Variants in TRPC5 observed in about 807,000 individuals in gnomAD.
TRPC5 encodes transient receptor potential cation channel subfamily C member 5, also known as short transient receptor potential channel 5.
TRPC5 carries 9 observed loss-of-function variants against 56.5 expected under a neutral mutation model. The observed-to-expected ratio is 0.16, with a 90% CI of 0.10 to 0.28. The LOEUF is 0.28. Among genes scored for constraint, TRPC5 ranks in the 10% least tolerant of loss-of-function variants. The probability of loss-of-function intolerance (pLI) is 1.00; values close to 1 mark genes in which losing one functional copy is unlikely to be tolerated. For missense variants in TRPC5, 469 were observed against 748.9 expected (o/e 0.63, Z 4.36); for synonymous variants, 282 against 278.5 (o/e 1.01, Z -0.13).
intron 2 of TRPC5, among the ~76,000 whole-genome samples, chrX:111,929,884 T>C (rs1435630577): frequency 8.9e-6 from 1 of 112,100 alleles, no homozygotes; most frequent in East Asian, 2.8e-4. Flanking sequence ...TTGTTCATCA[T>C]ATCATAAATC....
intron 3 of TRPC5, among the ~76,000 whole-genome samples, chrX:111,888,633 G>A (rs1472829985): frequency 2.0e-5 from 2 of 98,691 alleles, no homozygotes; most frequent in Non-Finnish European, 4.1e-5. Flanking sequence ...GGTGGAGGTT[G>A]TGGTGAGCTG....
chrX:111,818,814 G>A, intron 7 of TRPC5, among the ~76,000 whole-genome samples: 1 of 109,788 alleles, frequency 9.1e-6, no homozygotes, highest in Non-Finnish European at 1.9e-5. Flanking sequence ...ATATTGGTCA[G>A]GCTGGTCTCG....
chrX:111,818,534 G>A (rs1436708990), intron 7 of TRPC5, among the ~76,000 whole-genome samples: 2 of 109,236 alleles, frequency 1.8e-5, no homozygotes, highest in Admixed American at 9.8e-5. Flanking sequence ...ATTAATTGAA[G>A]ACCCAAAGGC....
chrX:111,835,194 C>T, intron 6 of TRPC5, 78 bp from the exon 7 acceptor site: 2 of 905,750 alleles, frequency 2.2e-6, no homozygotes, highest in Non-Finnish European at 3.0e-6. Flanking sequence ...AGGTGATCTG[C>T]TTAACGAAGG....
At chrX:111,957,819 C>T (rs1238553723) in intron 1 of TRPC5, among the ~76,000 whole-genome samples, 2 of 111,811 alleles carry the variant, frequency 1.8e-5, no homozygotes, top group Non-Finnish European at 3.8e-5. Context: ...ACTCCAAGTC[C>T]AGAGGGGGAG....
intron 3 of TRPC5, among the ~76,000 whole-genome samples, chrX:111,877,730 G>C (rs979233683): frequency 3.6e-5 from 4 of 111,231 alleles, no homozygotes; most frequent in African/African-American, 1.3e-4. Context: ...ATAAATGAAT[G>C]AATAAAATAA....
At chrX:111,889,356 T>C (rs1233134992) in intron 3 of TRPC5, among the ~76,000 whole-genome samples, 2 of 112,334 alleles carry the variant, frequency 1.8e-5, no homozygotes, top group African/African-American at 6.5e-5. Flanking sequence ...ACCTTGGTAA[T>C]ATCAGTCATA....
At chrX:111,869,467 A>C (rs762342902) in intron 3 of TRPC5, among the ~76,000 whole-genome samples, 1 of 112,348 alleles carries the variant, frequency 8.9e-6, no homozygotes, top group African/African-American at 3.2e-5. Context: ...GCAGACTCAC[A>C]AAATCAGTCA....
At chrX:111,914,554 CT>C in intron 2 of TRPC5, among the ~76,000 whole-genome samples, 1 of 111,778 alleles carries the variant, frequency 8.9e-6, no homozygotes, top group Middle Eastern at 4.6e-3. Context: ...TGCAAGAAAC[CT>C]GTTTCCTTCA....
intron 2 of TRPC5, among the ~76,000 whole-genome samples, chrX:111,933,198 G>T (rs150569704): frequency 0.03 from 3,360 of 111,805 alleles, 132 homozygotes; most frequent in African/African-American, 0.1. Context: ...GTGTTTGGTG[G>T]GCTGGGATAC....
At chrX:112,013,951 C>T (rs1929056268) in intron 1 of TRPC5, among the ~76,000 whole-genome samples, 1 of 111,838 alleles carries the variant, frequency 8.9e-6, no homozygotes, top group African/African-American at 3.3e-5. Context: ...AAAAATGACT[C>T]CTCCCTTGAG....
intron 7 of TRPC5, among the ~76,000 whole-genome samples, chrX:111,834,115 G>A (rs770953413): frequency 2.7e-5 from 3 of 111,773 alleles, no homozygotes; most frequent in Non-Finnish European, 5.6e-5. Context: ...TATCTACTTT[G>A]ACATAAAAAA....
chrX:111,793,398 A>G (rs1282377239), intron 7 of TRPC5, among the ~76,000 whole-genome samples: 1 of 112,421 alleles, frequency 8.9e-6, no homozygotes, highest in African/African-American at 3.2e-5. Context: ...TCGTTTGAAT[A>G]GACATTTCTT....
At position 112,028,663 on chromosome X, in the gene TRPC5, T is replaced by A. The variant is rs748998900; in HGVS notation, c.-22+53216A>T. 8.9e-5 allele frequency among the ~76,000 whole-genome samples: 10 copies of A among 112,484 alleles called. No individual in the cohort carries two copies. In the South Asian group the frequency reaches 1.5e-3, roughly 17 times the overall value. ...GTGTATATGTGCCACATTTTCTTAATCCAGTCTAACATTGATGGACATTTG... is the reference window on the plus strand; with the variant it reads ...GTGTATATGTGCCACATTTTCTTAAACCAGTCTAACATTGATGGACATTTG... On this transcript the variant is annotated intron_variant, in intron 1 of 10. Coordinates refer to ENST00000262839, the MANE Select transcript of TRPC5 (RefSeq NM_012471.3).
chrX:112,063,637 G>C (rs1930509101), intron 1 of TRPC5, among the ~76,000 whole-genome samples: 1 of 111,999 alleles, frequency 8.9e-6, no homozygotes, highest in Middle Eastern at 4.2e-3. Flanking sequence ...TTTCCTCACA[G>C]GGGACTGGGT....
intron 1 of TRPC5, among the ~76,000 whole-genome samples, chrX:112,007,550 C>T (rs1480618207): frequency 1.8e-5 from 2 of 111,681 alleles, no homozygotes; most frequent in Non-Finnish European, 3.8e-5. Flanking sequence ...TCAATTCTCC[C>T]TCCCTCCACA....
At chrX:112,060,726 T>A (rs898180922) in intron 1 of TRPC5, among the ~76,000 whole-genome samples, 4 of 111,889 alleles carry the variant, frequency 3.6e-5, no homozygotes, top group African/African-American at 1.3e-4. Context: ...TGTTGCTAAC[T>A]GCAGTTTGTT....
intron 7 of TRPC5, among the ~76,000 whole-genome samples, chrX:111,832,532 A>T (rs1023395944): frequency 1.8e-5 from 2 of 112,380 alleles, no homozygotes; most frequent in Admixed American, 9.4e-5. Context: ...AAATGAAATT[A>T]AATCTACTTT....
At chrX:111,826,746 T>A (rs1922248990) in intron 7 of TRPC5, among the ~76,000 whole-genome samples, 1 of 112,410 alleles carries the variant, frequency 8.9e-6, no homozygotes, top group Admixed American at 9.5e-5. Flanking sequence ...TTCTGTTTTC[T>A]TAAGAGATGG....
Sources: gnomAD v4.1 joint callset for allele counts (sites outside exome capture counted in the v4.1 genomes callset) on GRCh38, gnomAD v4.1.1 for gene constraint, MANE v1.5 for transcripts, NCBI Gene and HGNC (gene_info 2026-07-23, HGNC 2026-07-21) for gene names.